Variants in LINGO2 observed in about 807,000 individuals in gnomAD.
LINGO2 encodes the protein leucine-rich repeat and immunoglobulin-like domain-containing nogo receptor-interacting protein 2.
In LINGO2, 14 loss-of-function variants were observed where a neutral mutation model predicts 30.6. The observed-to-expected ratio is 0.46, with a 90% CI of 0.30 to 0.72. LINGO2 has a LOEUF of 0.72. LINGO2 is among the 30% of genes least tolerant of loss of function. The probability of loss-of-function intolerance (pLI) is 0.07; values close to 1 mark genes in which losing one functional copy is unlikely to be tolerated. For synonymous variants in LINGO2, 317 were observed against 288.5 expected (o/e 1.10, Z -1.00); for missense variants, 729 against 751.7 (o/e 0.97, Z 0.35).
At chr9:28,355,955 G>C (rs1260244689) in intron 3 of LINGO2, among the ~76,000 whole-genome samples, 1 of 152,172 alleles carries the variant, frequency 6.6e-6, no homozygotes, top group Non-Finnish European at 1.5e-5. Flanking sequence ...CATGAACTGA[G>C]AGATTATGTG....
the LINGO2 span, chr9:27,938,295 C>G: frequency 4.6e-5 from 7 of 152,008 alleles, no homozygotes; most frequent in African/African-American, 1.4e-4. Context: ...TTCTGGCAAA[C>G]CTGGGGCTCC....
intron 5 of LINGO2, among the ~76,000 whole-genome samples, chr9:27,964,974 A>G (rs1820026428): frequency 6.6e-6 from 1 of 152,142 alleles, no homozygotes. Flanking sequence ...ACCTCTGGAA[A>G]TGCAGAGCAA....
chr9:28,972,437 G>A, the LINGO2 span, among the ~76,000 whole-genome samples: 6 of 152,158 alleles, frequency 3.9e-5, no homozygotes, highest in Admixed American at 1.3e-4. Context: ...AATTCTATGA[G>A]CTAAATTTAA....
chr9:28,876,664 G>A, the LINGO2 span, among the ~76,000 whole-genome samples: 4 of 152,176 alleles, frequency 2.6e-5, no homozygotes, highest in Middle Eastern at 3.4e-3. Context: ...TGGACATTTG[G>A]GTTGGTTCCA....
At chr9:28,287,778 G>A (rs111756616) in intron 4 of LINGO2, among the ~76,000 whole-genome samples, 3,244 of 152,262 alleles carry the variant, frequency 0.021, 51 homozygotes, top group Non-Finnish European at 0.034. Flanking sequence ...TACACTGAGA[G>A]AGAGTTTGTG....
chr9:28,056,954 G>C (rs1383149304), intron 4 of LINGO2, among the ~76,000 whole-genome samples: 1 of 152,138 alleles, frequency 6.6e-6, no homozygotes, highest in African/African-American at 2.4e-5. Flanking sequence ...GATTTTAAGA[G>C]AGTGTCTTGG....
intron 1 of LINGO2, among the ~76,000 whole-genome samples, chr9:28,660,400 T>C (rs911094724): frequency 6.6e-6 from 1 of 152,118 alleles, no homozygotes; most frequent in East Asian, 1.9e-4. Flanking sequence ...AATAAAAATA[T>C]GGTAGCATTT....
At chr9:28,037,961 A>C (rs1824016436) in intron 4 of LINGO2, among the ~76,000 whole-genome samples, 4 of 152,246 alleles carry the variant, frequency 2.6e-5, no homozygotes, top group Non-Finnish European at 5.9e-5. Context: ...AAGCTGAGGC[A>C]TAAAGAGGTT....
chr9:28,289,356 T>C (rs1823635961), intron 4 of LINGO2, among the ~76,000 whole-genome samples: 1 of 152,228 alleles, frequency 6.6e-6, no homozygotes, highest in Admixed American at 6.5e-5. Flanking sequence ...AATCATATAT[T>C]TGTACACAGA....
chr9:28,693,559 T>G, the LINGO2 span, among the ~76,000 whole-genome samples: 1 of 152,076 alleles, frequency 6.6e-6, no homozygotes, highest in Non-Finnish European at 1.5e-5. Context: ...GAAGACATCC[T>G]TAAGTCAGCC....
At chr9:28,794,392 T>C in the LINGO2 span, among the ~76,000 whole-genome samples, 1 of 152,162 alleles carries the variant, frequency 6.6e-6, no homozygotes, top group Non-Finnish European at 1.5e-5. Flanking sequence ...ATGCTACACC[T>C]TGGGGGAAAC....
intron 4 of LINGO2, among the ~76,000 whole-genome samples, chr9:28,265,333 C>A (rs570600421): frequency 6.6e-6 from 1 of 151,990 alleles, no homozygotes; most frequent in African/African-American, 2.4e-5. Flanking sequence ...CCCATAGCTC[C>A]TTTCTAAATG....
chr9:28,375,983 T>C (rs932132520), intron 2 of LINGO2, among the ~76,000 whole-genome samples: 5 of 152,138 alleles, frequency 3.3e-5, no homozygotes, highest in African/African-American at 9.7e-5. Flanking sequence ...GCCAGGACAA[T>C]TATCTCCTCA....
At chr9:28,948,606 T>C in the LINGO2 span, among the ~76,000 whole-genome samples, 1 of 152,162 alleles carries the variant, frequency 6.6e-6, no homozygotes, top group South Asian at 2.1e-4. Flanking sequence ...TACAATCACA[T>C]AAAATACAAT....
At position 28,431,221 on chromosome 9, in the gene LINGO2, T is replaced by A. The variant is rs553157667; in HGVS notation, c.-279+44719A>T. Among the ~76,000 whole-genome samples, 16 of 152,266 alleles carry A rather than the reference T, an allele frequency of 1.1e-4. No individual in the cohort carries two copies. In the East Asian group the frequency reaches 2.9e-3, roughly 28 times the overall value. ...GAACATAAATACTAGGAGTCAGGAA[T>A]CATTGTCGGGGGTGGAGAAGGTAAT... On this transcript the variant is annotated intron_variant, in intron 2 of 5. Coordinates refer to ENST00000379992, the Ensembl canonical transcript of LINGO2.
chr9:28,711,204 T>G, the LINGO2 span, among the ~76,000 whole-genome samples: 1 of 152,300 alleles, frequency 6.6e-6, no homozygotes, highest in African/African-American at 2.4e-5. Flanking sequence ...AATATATTTT[T>G]ATGTGCTTAA....
At chr9:28,961,918 A>G in the LINGO2 span, among the ~76,000 whole-genome samples, 2 of 151,000 alleles carry the variant, frequency 1.3e-5, no homozygotes, top group Non-Finnish European at 3.0e-5. Flanking sequence ...TAACGTTAAT[A>G]CTACTTCTGA....
the LINGO2 span, among the ~76,000 whole-genome samples, chr9:28,797,397 A>AGAGAGAGAGAGAC: frequency 2.4e-5 from 1 of 41,618 alleles, no homozygotes; most frequent in East Asian, 1.2e-3. Context: ...GAGAGAGAGA[A>AGAGAGAGAGAGAC]AGCCTGCAGA....
At chr9:28,856,051 G>T in the LINGO2 span, among the ~76,000 whole-genome samples, 3 of 152,072 alleles carry the variant, frequency 2.0e-5, no homozygotes, top group Admixed American at 6.6e-5. Context: ...CAAGGGTTGT[G>T]AAGCAGCCTG....
Sources: gnomAD v4.1 joint callset for allele counts (sites outside exome capture counted in the v4.1 genomes callset) on GRCh38, gnomAD v4.1.1 for gene constraint, MANE v1.5 for transcripts, NCBI Gene and HGNC (gene_info 2026-07-23, HGNC 2026-07-21) for gene names.